APBB2: variants seen among roughly 807,000 people sequenced by gnomAD.
APBB2 encodes Fe65-like 1.
APBB2 carries 38 observed loss-of-function variants against 82.5 expected under a neutral mutation model. The observed-to-expected ratio is 0.46, with a 90% CI of 0.36 to 0.60. The LOEUF (loss-of-function observed/expected upper bound fraction) is 0.60. Ranked by LOEUF, APBB2 falls within the 20% of genes least tolerant of loss-of-function variation. The pLI is 0.00. For missense variants in APBB2, 772 were observed against 972.3 expected, an observed-to-expected ratio of 0.79 and a Z score of 2.74; for synonymous variants, 341 against 368.2, an observed-to-expected ratio of 0.93 and a Z score of 0.85.
intron 1 of APBB2, among the ~76,000 whole-genome samples, chr4:41,160,926 G>A (rs1438458457): frequency 2.0e-5 from 3 of 152,018 alleles, no homozygotes; most frequent in South Asian, 2.1e-4. Context: ...TCCTTATGAC[G>A]ACCCTCTAAG....
intron 12 of APBB2, among the ~76,000 whole-genome samples, chr4:40,858,318 A>G (rs1009023433): frequency 6.6e-6 from 1 of 152,070 alleles, no homozygotes; most frequent in African/African-American, 2.4e-5. Context: ...AGCGTAAGTT[A>G]TTTGATTAGC....
chr4:40,975,753 A>AACACACACACACACAC (rs368424451), intron 6 of APBB2, among the ~76,000 whole-genome samples: 1,904 of 142,038 alleles, frequency 0.013, 24 homozygotes, highest in Non-Finnish European at 0.012. Flanking sequence ...GTAGTAAGAA[A>AACACACACACACACAC]ACACACACAC....
At chr4:40,977,943 G>A (rs1197186076) in intron 6 of APBB2, among the ~76,000 whole-genome samples, 3 of 152,220 alleles carry the variant, frequency 2.0e-5, no homozygotes, top group African/African-American at 7.2e-5. Flanking sequence ...ACATAGTGAT[G>A]TGGCAGGCAA....
chr4:40,859,412 C>A (rs1480533012), intron 12 of APBB2, among the ~76,000 whole-genome samples: 1 of 151,864 alleles, frequency 6.6e-6, no homozygotes, highest in Non-Finnish European at 1.5e-5. Flanking sequence ...GCCATGTTGG[C>A]CAGGCTGGTC....
chr4:41,127,747 G>A lies in APBB2; in HGVS notation c.-261+15240C>T, dbSNP rs752518549. Among the ~76,000 whole-genome samples, 5 of 152,188 alleles carry A rather than the reference G, an allele frequency of 3.3e-5. No individual in the cohort carries two copies. The highest frequency in any genetic ancestry group is 7.2e-5 in the African/African-American group (3 of 41,452). ...TGTAATCCCAGCACTTTGGGAGGCC[G>A]AGGTGGGTGGATTACCTGAGGTCAG... On this transcript the variant is annotated intron_variant, in intron 2 of 17. Coordinates refer to ENST00000508593, the MANE Select transcript of APBB2 (RefSeq NM_004307.2). This position sits in a 1 kb window ranked among gnomAD's most constrained non-coding sequence, Gnocchi z 4.8.
At chr4:41,172,213 A>G (rs754839861) in intron 1 of APBB2, among the ~76,000 whole-genome samples, 1 of 152,016 alleles carries the variant, frequency 6.6e-6, no homozygotes, top group Non-Finnish European at 1.5e-5. Flanking sequence ...CCAACACCTC[A>G]TCCAGCACCC....
Position 41,014,026 on chromosome 4 carries a change from G to A in APBB2, c.392C>T (p.Thr131Ile). 1 of 1,614,170 alleles carries A rather than the reference G, an allele frequency of 6.2e-7. No homozygotes were observed. Residue 131 changes from threonine (T) to isoleucine (I), a missense_variant, in exon 6 of 18, where the codon ACT becomes ATT. Physicochemically the swap from Thr to Ile is moderately conservative, Grantham distance 89 (BLOSUM62 -1). Transcript: ENST00000508593. ...CTCTTTACCCTCTAACTTCTCAGAAGTTATGTTGATGACTGCAGTGGGGCT... is the reference window on the plus strand; with the variant it reads ...CTCTTTACCCTCTAACTTCTCAGAAATTATGTTGATGACTGCAGTGGGGCT... ...NLSPTAVINI[T>I]SEKLEGKEPH... is the part of the protein sequence containing the mutation.
At chr4:40,906,912 A>G (rs1354888277) in intron 10 of APBB2, among the ~76,000 whole-genome samples, 1 of 152,224 alleles carries the variant, frequency 6.6e-6, no homozygotes, top group Non-Finnish European at 1.5e-5. Flanking sequence ...GAGTGTGTGT[A>G]TATACATGTA....
rs151211531 is a variant in APBB2 at position 40,895,240 on chromosome 4, G to A, written c.1255-1829C>T. 1.2e-3 allele frequency among the ~76,000 whole-genome samples: 179 copies of A among 152,278 alleles called. 2 individuals carry two copies. The highest frequency in any genetic ancestry group is 3.1e-3 in the African/African-American group (127 of 41,564). Reference sequence around the variant, plus strand: ...AACAGCCCGTTTAAGCAAACAGTGCGCTGATCCTCACGTCCCAGAGGAGAA... The same window carrying A: ...AACAGCCCGTTTAAGCAAACAGTGCACTGATCCTCACGTCCCAGAGGAGAA... On this transcript the variant is annotated intron_variant, in intron 10 of 17. Coordinates refer to ENST00000508593, the MANE Select transcript of APBB2 (RefSeq NM_004307.2).
At chr4:41,171,118 C>T (rs1163949403) in intron 1 of APBB2, among the ~76,000 whole-genome samples, 1 of 152,204 alleles carries the variant, frequency 6.6e-6, no homozygotes, top group African/African-American at 2.4e-5. Context: ...TCTAGACCCC[C>T]TCCCAGCTCT....
chr4:41,087,910 T>C (rs144850112), intron 3 of APBB2, among the ~76,000 whole-genome samples: 133 of 152,290 alleles, frequency 8.7e-4, no homozygotes, highest in Middle Eastern at 3.4e-3. Context: ...AATGGGGGGA[T>C]AGCCTTTTCC....
At chr4:40,869,696 A>T (rs1764946961) in intron 12 of APBB2, among the ~76,000 whole-genome samples, 1 of 142,236 alleles carries the variant, frequency 7.0e-6, no homozygotes, top group African/African-American at 2.6e-5. Context: ...CAAGGAATAT[A>T]CGTGAAATGA....
intron 6 of APBB2, among the ~76,000 whole-genome samples, chr4:40,951,309 A>C (rs967790430): frequency 1.3e-5 from 2 of 152,214 alleles, no homozygotes; most frequent in Non-Finnish European, 2.9e-5. Context: ...AAAATACCTC[A>C]GTGGAGTTCT....
At chr4:41,116,949 C>T (rs1011641565) in intron 2 of APBB2, among the ~76,000 whole-genome samples, 6 of 152,138 alleles carry the variant, frequency 3.9e-5, no homozygotes, top group Non-Finnish European at 5.9e-5. Flanking sequence ...CCACCTCTGT[C>T]GCTTTGTGAG....
intron 6 of APBB2, among the ~76,000 whole-genome samples, chr4:40,971,983 AAATAT>A (rs1335938598): frequency 6.6e-6 from 1 of 152,194 alleles, no homozygotes; most frequent in Non-Finnish European, 1.5e-5. Flanking sequence ...GAGAAAACTA[AAATAT>A]AATATTTGGT....
chr4:40,828,738 C>T (rs1268669994), intron 13 of APBB2, among the ~76,000 whole-genome samples: 2 of 152,254 alleles, frequency 1.3e-5, no homozygotes, highest in African/African-American at 2.4e-5. Context: ...ACCCCCGTCT[C>T]ATCAATGCAA....
At chr4:41,033,167 C>T in intron 5 of APBB2, 69 bp downstream of exon 5, 1 of 973,530 alleles carries the variant, frequency 1.0e-6, no homozygotes, top group Non-Finnish European at 1.6e-6. Flanking sequence ...TAACATTAAA[C>T]ATTATCTTTT....
At position 41,046,643 on chromosome 4, in the gene APBB2, G is replaced by A. The variant is rs185032798; in HGVS notation, c.-50-13339C>T. Among the ~76,000 whole-genome samples, 1,054 of 152,284 alleles carry A rather than the reference G, an allele frequency of 6.9e-3. 6 individuals carry two copies. The highest frequency in any genetic ancestry group is 0.012 in the Non-Finnish European group (827 of 68,010). ...AAGGAAACTAAGGAGCAAGGATCTT[G>A]CTAAATGGGCCAAGGAAGATTTTTT... On this transcript the variant is annotated intron_variant, in intron 4 of 17. Coordinates refer to ENST00000508593, the MANE Select transcript of APBB2 (RefSeq NM_004307.2).
At chr4:40,942,778 G>C (rs1383480952) in intron 7 of APBB2, among the ~76,000 whole-genome samples, 2 of 152,088 alleles carry the variant, frequency 1.3e-5, no homozygotes, top group African/African-American at 2.4e-5. Context: ...GGCAAAAATG[G>C]GCTCCAGGAA....
Sources: gnomAD v4.1 joint callset for allele counts (sites outside exome capture counted in the v4.1 genomes callset) on GRCh38, gnomAD v4.1.1 for gene constraint, Gnocchi (gnomAD v3.1) non-coding constraint, MANE v1.5 for transcripts, NCBI Gene and HGNC (gene_info 2026-07-23, HGNC 2026-07-21) for gene names.